CCSER1: variants seen among roughly 807,000 people sequenced by gnomAD.
CCSER1 encodes the protein coiled-coil serine rich protein 1.
In CCSER1, 41 loss-of-function variants were observed where a neutral mutation model predicts 82.0. The ratio of observed to expected loss-of-function variants is 0.50; its 90% confidence interval spans 0.39 to 0.65. CCSER1 has a LOEUF of 0.65. Among genes scored for constraint, CCSER1 ranks in the 30% least tolerant of loss-of-function variants. The pLI is 0.00. For missense variants in CCSER1, 1,119 were observed against 1,064.2 expected, an observed-to-expected ratio of 1.05 and a Z score of -0.72; for synonymous variants, 414 against 383.9, an observed-to-expected ratio of 1.08 and a Z score of -0.92.
intron 10 of CCSER1, among the ~76,000 whole-genome samples, chr4:91,099,773 G>A (rs530265644): frequency 6.6e-6 from 1 of 152,178 alleles, no homozygotes; most frequent in South Asian, 2.1e-4. Flanking sequence ...GAAGTGTTCA[G>A]GTTAAGATAA....
intron 10 of CCSER1, among the ~76,000 whole-genome samples, chr4:91,177,926 C>T (rs966499102): frequency 3.3e-5 from 5 of 152,142 alleles, no homozygotes; most frequent in Admixed American, 3.3e-4. Context: ...TAGATCTTTC[C>T]TGCCTTCTGT....
At chr4:91,333,969 T>C (rs1177902200) in intron 10 of CCSER1, among the ~76,000 whole-genome samples, 1 of 152,084 alleles carries the variant, frequency 6.6e-6, no homozygotes, top group Non-Finnish European at 1.5e-5. Context: ...CAAAAGTTAC[T>C]GAGAAGTTAT....
At chr4:90,485,766 T>G (rs1190507482) in intron 5 of CCSER1, among the ~76,000 whole-genome samples, 1 of 152,188 alleles carries the variant, frequency 6.6e-6, no homozygotes, top group African/African-American at 2.4e-5. Context: ...TTCTTATCAT[T>G]TAGTTCCCAC....
chr4:91,340,478 GC>G (rs1401685594), intron 10 of CCSER1, among the ~76,000 whole-genome samples: 1 of 152,104 alleles, frequency 6.6e-6, no homozygotes, highest in Non-Finnish European at 1.5e-5. Flanking sequence ...ATTTGCTGTA[GC>G]CTTTGAGAAG....
chr4:91,011,251 C>T lies in CCSER1; in HGVS notation c.2173-74699C>T, dbSNP rs531710334. On this transcript the variant is annotated intron_variant, in intron 9 of 10. Coordinates refer to ENST00000509176, the MANE Select transcript of CCSER1 (RefSeq NM_001145065.2). ...TAGCAGTTTGTGGTGGCAGTGGTAG[C>T]ATAGGTTATTAAGTTCCTTCGTGGC... 1.2e-4 allele frequency among the ~76,000 whole-genome samples: 16 copies of T among 134,196 alleles called. 1 individual carries two copies. The highest frequency in any genetic ancestry group is 3.7e-4 in the African/African-American group (15 of 40,382). 88.0% of individuals were successfully genotyped at this position (134,196 alleles called of 152,430 possible). A position where few individuals can be genotyped will look rare whatever the true frequency, so the allele number is the denominator to read the frequency against.
At chr4:90,854,066 T>A (rs1764181063) in intron 8 of CCSER1, among the ~76,000 whole-genome samples, 1 of 152,200 alleles carries the variant, frequency 6.6e-6, no homozygotes, top group African/African-American at 2.4e-5. Flanking sequence ...TTTATTTCAG[T>A]CTACCAAATG....
intron 6 of CCSER1, among the ~76,000 whole-genome samples, chr4:90,666,357 A>T (rs1731786061): frequency 6.6e-6 from 1 of 152,202 alleles, no homozygotes; most frequent in South Asian, 2.1e-4. Context: ...TTATGGGGCT[A>T]AAATTCTGCC....
intron 7 of CCSER1, among the ~76,000 whole-genome samples, chr4:90,743,690 G>A (rs2149450798): frequency 6.6e-6 from 1 of 152,294 alleles, no homozygotes; most frequent in Admixed American, 6.5e-5. Flanking sequence ...AATTGTCAAA[G>A]CATAATTAAG....
At chr4:90,187,501 C>T (rs906865736) in intron 1 of CCSER1, among the ~76,000 whole-genome samples, 4 of 151,424 alleles carry the variant, frequency 2.6e-5, no homozygotes, top group East Asian at 1.9e-4. Flanking sequence ...CTGGCACCAT[C>T]GAACCATGAC....
chr4:90,361,464 A>G (rs542109972), intron 3 of CCSER1, among the ~76,000 whole-genome samples: 14 of 152,350 alleles, frequency 9.2e-5, no homozygotes, highest in South Asian at 2.1e-4. Context: ...AAGAAGGCCT[A>G]TGCCTCAAAA....
intron 5 of CCSER1, chr4:90,468,732 G>A (rs560774787): frequency 2.0e-5 from 3 of 153,544 alleles, no homozygotes; most frequent in South Asian, 4.1e-4. Flanking sequence ...AAGTTGGTTT[G>A]CATTTTTATA....
At chr4:91,045,615 G>C (rs1020089136) in intron 9 of CCSER1, among the ~76,000 whole-genome samples, 2 of 152,108 alleles carry the variant, frequency 1.3e-5, no homozygotes, top group African/African-American at 4.8e-5. Context: ...AATATTTGGT[G>C]TATCTCTATT....
intron 3 of CCSER1, among the ~76,000 whole-genome samples, chr4:90,384,469 T>A (rs1315950238): frequency 1.3e-5 from 2 of 152,070 alleles, no homozygotes; most frequent in Non-Finnish European, 2.9e-5. Flanking sequence ...TAAAACAATG[T>A]ATGCCTTTCT....
In CCSER1 at chr4:90,430,869, C is replaced by A. The variant is rs796712718; in HGVS notation, c.1603+30740C>A. Among the ~76,000 whole-genome samples, 11 of 151,956 alleles carry A rather than the reference C, an allele frequency of 7.2e-5. No individual in the cohort carries two copies. In the South Asian group the frequency reaches 2.1e-3, roughly 29 times the overall value. On this transcript the variant is annotated intron_variant, in intron 4 of 10. Coordinates refer to ENST00000509176, the MANE Select transcript of CCSER1 (RefSeq NM_001145065.2). ...TTTCTGTAATGCTGGCTTAAAAAGG[C>A]ATATGCTCAAATTTTAATAATTTAA...
At chr4:90,466,417 C>T (rs28631611) in intron 4 of CCSER1, among the ~76,000 whole-genome samples, 1 of 152,120 alleles carries the variant, frequency 6.6e-6, no homozygotes, top group Non-Finnish European at 1.5e-5. Flanking sequence ...GTAAAAGGAG[C>T]CTTGAATCCT....
At chr4:91,348,823 T>G (rs1578238380) in intron 10 of CCSER1, among the ~76,000 whole-genome samples, 1 of 152,224 alleles carries the variant, frequency 6.6e-6, no homozygotes, top group African/African-American at 2.4e-5. Flanking sequence ...ATCATAGCAA[T>G]TTGGGTCTCT....
At chr4:91,180,513 A>T (rs1581722672) in intron 10 of CCSER1, among the ~76,000 whole-genome samples, 2 of 152,130 alleles carry the variant, frequency 1.3e-5, no homozygotes, top group Admixed American at 1.3e-4. Flanking sequence ...GCAATGGCGG[A>T]CGCCCCTTCC....
intron 7 of CCSER1, among the ~76,000 whole-genome samples, chr4:90,732,027 T>TTCTCTCTCTCTCTCTC (rs76331329): frequency 0.011 from 1,416 of 131,022 alleles, 79 homozygotes; most frequent in African/African-American, 0.041. Context: ...CTATTGGGAT[T>TTCTCTCTCTCTCTCTC]TCTCTCTCTC....
chr4:90,455,969 G>T (rs1249535547), intron 4 of CCSER1, among the ~76,000 whole-genome samples: 2 of 152,136 alleles, frequency 1.3e-5, no homozygotes, highest in Non-Finnish European at 2.9e-5. Context: ...CCTCAGGAGG[G>T]TGTATGGACC....
Sources: allele counts gnomAD v4.1 joint callset (sites outside exome capture counted in the v4.1 genomes callset), GRCh38; gene constraint gnomAD v4.1.1; transcripts MANE v1.5; gene names NCBI Gene and HGNC (gene_info 2026-07-23, HGNC 2026-07-21).